The following PRAM1 variants were observed in gnomAD, a reference collection of about 807,000 sequenced individuals.
PRAM1 encodes PML-RARA regulated adaptor molecule 1.
A neutral mutation model predicts 55.3 loss-of-function variants in PRAM1; 41 were observed. The observed-to-expected ratio is 0.74, with a 90% CI of 0.58 to 0.96. The LOEUF (loss-of-function observed/expected upper bound fraction) is 0.96. Ranked by LOEUF, PRAM1 falls within the 40% of genes least tolerant of loss-of-function variation. The probability of loss-of-function intolerance (pLI) is 0.00; values close to 1 mark genes in which losing one functional copy is unlikely to be tolerated. For missense variants in PRAM1, 898 were observed against 892.7 expected (o/e 1.01, Z -0.08); for synonymous variants, 401 against 387.1 (o/e 1.04, Z -0.42).
In PRAM1 at chr19:8,498,283, C is replaced by G. The variant is rs530402541; in HGVS notation, c.1439G>C (p.Arg480Pro). Reference sequence around the variant, plus strand: ...GAGCCCAGCGGCCGAGCGGGTCCTCCGTAGATCTGTGGGGTAGAGAGTAGG... The same window carrying G: ...GAGCCCAGCGGCCGAGCGGGTCCTCGGTAGATCTGTGGGGTAGAGAGTAGG... ...RRPSAASIDL[R>P]RTRSAAGLHF... is the part of the protein sequence containing the mutation. Residue 480 changes from arginine (R) to proline (P), a missense_variant, in exon 3 of 10, where the codon CGG becomes CCG. This residue lies in a region of PRAM1 where 787 missense variants were observed against 735.4 expected (regional missense o/e 1.07). Coordinates refer to ENST00000423345, the MANE Select transcript of PRAM1 (RefSeq NM_032152.5). 6.2e-7 allele frequency: 1 copy of G among 1,612,036 alleles called. No individual in the cohort carries two copies. The highest frequency in any genetic ancestry group is 1.1e-5 in the South Asian group (1 of 90,710).
intron 4 of PRAM1, 47 bp downstream of exon 4, chr19:8,497,717 C>T: frequency 6.6e-7 from 1 of 1,512,582 alleles, no homozygotes; most frequent in Middle Eastern, 1.7e-4. Context: ...CAGAAAATGG[C>T]CTTGCCCCGA....
rs1971619079 is a variant in PRAM1, at chr19:8,491,005, C to G, written c.1635-10G>C. On this transcript the variant is annotated splice_polypyrimidine_tract_variant and intron_variant, in intron 5 of 9. Transcript: ENST00000423345. ...GGGATCCTTCTCCTTCCTGATAGCC[C>G]CCACCAAGGAATTGTGTGCTCGTGA... The G allele has an allele frequency of 1.2e-6, 2 of 1,613,156 alleles. No homozygotes were observed. The highest frequency in any genetic ancestry group is 1.3e-5 in the African/African-American group (1 of 74,896).
At position 8,490,083 on chromosome 19, in the gene PRAM1, A is replaced by G; in HGVS notation, c.*106T>C. 1 of 1,115,900 alleles carries G rather than the reference A, an allele frequency of 9.0e-7. No homozygotes were observed. The allele number at this position is 1,115,900 out of a possible 1,614,324, so 69.1% of individuals were successfully genotyped here. A position where few individuals can be genotyped will look rare whatever the true frequency, so the allele number is the denominator to read the frequency against. ...CTTTAAACTGGGGCTTTATGTGGCC[A>G]GGTACAAGCCCAGGCAGCTCTGTGA... On this transcript the variant is annotated 3_prime_UTR_variant, in exon 10 of 10. Coordinates refer to ENST00000423345, the MANE Select transcript of PRAM1 (RefSeq NM_032152.5). This position sits in a 1 kb window ranked among gnomAD's most constrained non-coding sequence, Gnocchi z 7.3.
intron 1 of PRAM1, among the ~76,000 whole-genome samples, chr19:8,500,572 G>A (rs1181175961): frequency 6.6e-6 from 1 of 151,910 alleles, no homozygotes; most frequent in Non-Finnish European, 1.5e-5. Context: ...CCTCATAAAA[G>A]CCTGGGCGAA....
rs769574006 is a variant in PRAM1, at chr19:8,498,226, G to C, written c.1496C>G (p.Pro499Arg). ...TCCGCTTCCTCCCCACACTCACTGC[G>C]GGATGTCTTCAGGCTGTCGGTCCTG... ...HFQDRQPEDIPQVPDEIYELY... is the reference protein window; with the variant it reads ...HFQDRQPEDIRQVPDEIYELY... The change falls in exon 3 of 10, where the codon CCG becomes CGG. Residue 499 changes from proline (P) to arginine (R), a missense_variant. Coordinates refer to ENST00000423345, the MANE Select transcript of PRAM1 (RefSeq NM_032152.5). The C allele has an allele frequency of 6.2e-7, 1 of 1,612,160 alleles. No individual in the cohort carries two copies. The highest frequency in any genetic ancestry group is 1.7e-5 in the Admixed American group (1 of 59,902).
Position 8,498,801 on chromosome 19 carries a change from G to C in PRAM1, c.1007C>G (p.Pro336Arg), listed in dbSNP as rs758601957. The stretch of plus-strand genomic sequence containing the variant: ...CTTCCTGGGGAGTGAGTTGAACTCG[G>C]GCTCTGAGGAGGTCCTGGGGAGGCC... ...LGGLPRTSSE[P>R]EFNSLPRKLL... The change falls in exon 2 of 10, where the codon CCC (proline) becomes CGC (arginine). Residue 336 changes from proline to arginine, a missense_variant. Pro to Arg is a moderately radical substitution (Grantham distance 103, BLOSUM62 -2). Coordinates refer to ENST00000423345, the MANE Select transcript of PRAM1 (RefSeq NM_032152.5). The C allele has an allele frequency of 5.7e-6, 9 of 1,582,018 alleles. No individual in the cohort carries two copies. Among genetic ancestry groups the C allele is most frequent in the Non-Finnish European group, 6.9e-6 (8 of 1,164,656 alleles).
chr19:8,500,335 C>T lies in PRAM1; in HGVS notation c.28-555G>A, dbSNP rs557976442. On this transcript the variant is annotated intron_variant, in intron 1 of 9. Transcript: ENST00000423345. ...GAATCCAACCACTTCTCACTGCCTT[C>T]ACCACTGTCACCCCAGGAGGTAGTG... 2.0e-5 allele frequency among the ~76,000 whole-genome samples: 3 copies of T among 152,070 alleles called. No individual in the cohort carries two copies. The East Asian group carries it at 5.8e-4, about 30-fold the overall frequency.
chr19:8,500,741 A>T (rs1342715941), intron 1 of PRAM1, among the ~76,000 whole-genome samples: 1 of 152,130 alleles, frequency 6.6e-6, no homozygotes, highest in South Asian at 2.1e-4. Context: ...TTCTTATTAG[A>T]GAGGCCATCC....
Position 8,490,064 on chromosome 19 carries a change from A to G in PRAM1, c.*125T>C. 2 of 956,252 alleles carry G rather than the reference A, an allele frequency of 2.1e-6. No homozygotes were observed. The highest frequency in any genetic ancestry group is 3.2e-4 in the Middle Eastern group (1 of 3,114). The allele number at this position is 956,252 out of a possible 1,614,324, so 59.2% of individuals were successfully genotyped here. A position where few individuals can be genotyped will look rare whatever the true frequency, so the allele number is the denominator to read the frequency against. ...AGACAAGAAGCAGGGACTGCTTTAA[A>G]CTGGGGCTTTATGTGGCCAGGTACA... On this transcript the variant is annotated 3_prime_UTR_variant, in exon 10 of 10. Transcript: ENST00000423345. The surrounding 1 kb of genome is among the most constrained non-coding windows in gnomAD (Gnocchi z 7.3).
At chr19:8,497,659 G>A (rs1971717229) in intron 4 of PRAM1, 105 bp downstream of exon 4, 6 of 893,178 alleles carry the variant, frequency 6.7e-6, no homozygotes, top group Non-Finnish European at 1.1e-5. Flanking sequence ...CACCCAGCAG[G>A]AGCCAGCAGG....
intron 4 of PRAM1, 72 bp downstream of exon 4, chr19:8,497,692 A>T: frequency 7.7e-7 from 1 of 1,300,886 alleles, no homozygotes; most frequent in Non-Finnish European, 1.1e-6. Context: ...ACTTGCTCTT[A>T]CACCAGGAGC....
rs754945095 is a variant in PRAM1, at chr19:8,499,299, G to C, written c.509C>G (p.Pro170Arg). 7.7e-5 allele frequency: 124 copies of C among 1,609,756 alleles called. No homozygotes were observed. The highest frequency in any genetic ancestry group is 9.4e-5 in the Non-Finnish European group (111 of 1,178,072). Residue 170 changes from proline (P) to arginine (R), a missense_variant, in exon 2 of 10, where the codon CCC (proline) becomes CGC (arginine). Around this residue, in one of 4 missense-constraint regions of PRAM1, gnomAD observed 787 missense variants for 735.4 expected, o/e 1.07. Coordinates refer to ENST00000423345, the MANE Select transcript of PRAM1 (RefSeq NM_032152.5). Reference sequence around the variant, plus strand: ...TCTGGCGGGGTGACTGAGTTCGTCGGGCTGCAGGGGTTTCCGGGCCGGCGC... The same window carrying C: ...TCTGGCGGGGTGACTGAGTTCGTCGCGCTGCAGGGGTTTCCGGGCCGGCGC... ...PGAPARKPLQ[P>R]DELSHPARPP...
chr19:8,490,286 G>A lies in PRAM1; in HGVS notation c.1975+52C>T, dbSNP rs1257873283. On this transcript the variant is annotated intron_variant, in intron 9 of 9. Coordinates refer to ENST00000423345, the MANE Select transcript of PRAM1 (RefSeq NM_032152.5). The surrounding 1 kb of genome is among the most constrained non-coding windows in gnomAD (Gnocchi z 7.3). ...CCCCAGAAGCCCAATAGTGAGCAGC[G>A]CCCCCGGGGAATCGCCAGGGTCCCT... The A allele has an allele frequency of 5.0e-5, 80 of 1,613,498 alleles. No individual in the cohort carries two copies. The highest frequency in any genetic ancestry group is 3.1e-4 in the East Asian group (14 of 44,882).
Position 8,499,227 on chromosome 19 carries a change from T to C in PRAM1, c.581A>G (p.Gln194Arg), listed in dbSNP as rs1225455667. ...KSGAFPRKLW[Q>R]PEAGEATPRS... The stretch of plus-strand genomic sequence containing the variant: ...CGGGGTAGCCTCACCGGCCTCGGGT[T>C]GCCAGAGCTTCCTGGGGAATGCGCC... The change falls in exon 2 of 10, where the codon CAA becomes CGA. Residue 194 changes from glutamine to arginine, a missense_variant. Gln to Arg is a conservative substitution (Grantham distance 43). This residue lies in a region of PRAM1 where 787 missense variants were observed against 735.4 expected (regional missense o/e 1.07). Transcript: ENST00000423345. The C allele has an allele frequency of 1.9e-6, 3 of 1,612,928 alleles. No homozygotes were observed. The highest frequency in any genetic ancestry group is 2.5e-6 in the Non-Finnish European group (3 of 1,179,368).
In PRAM1 at chr19:8,490,718, G is replaced by A. The variant is rs368770324; in HGVS notation, c.1782C>T (p.Ile594=). 277 of 1,611,214 alleles carry A rather than the reference G, an allele frequency of 1.7e-4. No homozygotes were observed. The highest frequency in any genetic ancestry group is 2.2e-4 in the Non-Finnish European group (254 of 1,179,498). The part of the protein sequence containing the change: ...GEIVVHTKMM[I]DPNAKTRRGG... ...CGCGACGTGTCTTAGCGTTGGGGTC[G>A]ATCATCATCTTCGTGTGAACCACGA... Residue 594 remains isoleucine (I), a synonymous_variant, in exon 7 of 10, where the codon ATC becomes ATT. Transcript: ENST00000423345. This position sits in a 1 kb window ranked among gnomAD's most constrained non-coding sequence, Gnocchi z 7.3.
chr19:8,498,472 G>T lies in PRAM1; in HGVS notation c.1336C>A (p.Pro446Thr). 1.3e-6 allele frequency: 2 copies of T among 1,586,806 alleles called. No individual in the cohort carries two copies. Among genetic ancestry groups the T allele is most frequent in the South Asian group, 2.3e-5 (2 of 87,378 alleles). ...GGAGGGTGTCCCAGGCTGCTGGCAG[G>T]GGGCAGAGGCCTCCGCCGGGGTGGA... ...SHPPRRRPLP[P>T]ASSLGHPPAK... Residue 446 changes from proline (P) to threonine (T), a missense_variant, in exon 2 of 10, where the codon CCT (proline) becomes ACT (threonine). By Grantham distance (38) the Pro-to-Thr change is conservative. This residue lies in a region of PRAM1 where 787 missense variants were observed against 735.4 expected (regional missense o/e 1.07). Transcript: ENST00000423345.
intron 3 of PRAM1, among the ~76,000 whole-genome samples, 167 bp downstream of exon 3, chr19:8,498,056 A>G (rs1971725168): frequency 6.6e-6 from 1 of 151,274 alleles, no homozygotes; most frequent in Admixed American, 6.6e-5. Context: ...TAATTTTTGT[A>G]TTTTTAGTAG....
rs764692334 is a variant in PRAM1 at position 8,490,472 on chromosome 19, TCA to T, written c.1940+2_1940+3del. The T allele has an allele frequency of 5.0e-5, 80 of 1,612,780 alleles. No individual in the cohort carries two copies. Among genetic ancestry groups the T allele is most frequent in the Non-Finnish European group, 6.4e-5 (75 of 1,179,552 alleles). On this transcript the variant is annotated splice_donor_variant and splice_donor_region_variant and intron_variant, in intron 8 of 9. Transcript: ENST00000423345. LOFTEE classifies it high-confidence loss of function. The surrounding 1 kb of genome is among the most constrained non-coding windows in gnomAD (Gnocchi z 7.3). ...CCCCCACCACGGTCAGGGCTGGCAC[TCA>T]CAGGGGCAGGAGCGCTGTTCTGGGC... is the stretch of plus-strand genomic sequence containing the variant.
intron 1 of PRAM1, 42 bp from the exon 2 acceptor site, chr19:8,499,822 A>G (rs1455325667): frequency 2.0e-6 from 3 of 1,507,910 alleles, no homozygotes; most frequent in Non-Finnish European, 1.8e-6. Context: ...TCAAACACAC[A>G]GAAGGGGCAT....
Sources: allele counts gnomAD v4.1 joint callset (sites outside exome capture counted in the v4.1 genomes callset), GRCh38; gene constraint gnomAD v4.1.1; regional missense constraint gnomAD v4.1.1; non-coding constraint Gnocchi (gnomAD v3.1); transcripts MANE v1.5; gene names NCBI Gene and HGNC (gene_info 2026-07-23, HGNC 2026-07-21).